SPIDR: variants seen among roughly 807,000 people sequenced by gnomAD.
The protein encoded by SPIDR is scaffold protein involved in DNA repair.
Under a neutral mutation model 104.6 loss-of-function variants are expected in SPIDR, and 93 were observed. That is an observed-to-expected ratio of 0.89 (90% CI 0.75 to 1.06). SPIDR has a LOEUF of 1.06. SPIDR is among the 50% of genes least tolerant of loss of function. SPIDR has a pLI of 0.00. For missense variants in SPIDR, 1,154 were observed against 1,111.2 expected, an observed-to-expected ratio of 1.04 and a Z score of -0.55; for synonymous variants, 431 against 416.9, an observed-to-expected ratio of 1.03 and a Z score of -0.41.
At chr8:47,528,838 T>G (rs954024859) in intron 8 of SPIDR, among the ~76,000 whole-genome samples, 5 of 151,606 alleles carry the variant, frequency 3.3e-5, no homozygotes, top group Admixed American at 3.3e-4. Flanking sequence ...GGCATATGTG[T>G]AATGGGAATA....
rs200671555 is a variant in SPIDR, at chr8:47,523,783, C to CTAA, written c.1098-72027_1098-72025dup. Among the ~76,000 whole-genome samples the CTAA allele has an allele frequency of 7.3e-3, 1,107 of 152,322 alleles. 8 individuals carry two copies. Among genetic ancestry groups the CTAA allele is most frequent in the Middle Eastern group, 0.031 (9 of 294 alleles). ...GCCGCAGCCTTCTCAATAAGAAGTG[C>CTAA]TAACTTCCTCAGGAAAACAGAAGTG... On this transcript the variant is annotated intron_variant, in intron 8 of 19. Transcript: ENST00000297423.
At chr8:47,328,907 AT>A (rs1192308410) in intron 5 of SPIDR, among the ~76,000 whole-genome samples, 5 of 148,106 alleles carry the variant, frequency 3.4e-5, no homozygotes, top group African/African-American at 5.0e-5. Flanking sequence ...CATTTTCACA[AT>A]TTTTTTTTTC....
intron 8 of SPIDR, among the ~76,000 whole-genome samples, chr8:47,471,342 A>C (rs80286492): frequency 3.5e-5 from 5 of 143,320 alleles, no homozygotes; most frequent in South Asian, 2.2e-4. Flanking sequence ...AAAAAAAAAA[A>C]CAGCCCAGTT....
At chr8:47,344,466 T>C (rs1382370136) in intron 5 of SPIDR, among the ~76,000 whole-genome samples, 1 of 152,228 alleles carries the variant, frequency 6.6e-6, no homozygotes, top group East Asian at 1.9e-4. Flanking sequence ...TGATTTATAA[T>C]CCTTTGGGTA....
chr8:47,367,204 A>C (rs1156325961), intron 5 of SPIDR, among the ~76,000 whole-genome samples: 3 of 152,132 alleles, frequency 2.0e-5, no homozygotes, highest in Non-Finnish European at 4.4e-5. Context: ...GATGGAGAGG[A>C]CTACCTGGCA....
At chr8:47,370,613 A>ATT (rs550002200) in intron 5 of SPIDR, among the ~76,000 whole-genome samples, 1 of 147,446 alleles carries the variant, frequency 6.8e-6, no homozygotes, top group Non-Finnish European at 1.5e-5. Flanking sequence ...TGTCTGGCTA[A>ATT]TTTTTTTTTT....
chr8:47,584,592 C>G (rs138483974), intron 8 of SPIDR, among the ~76,000 whole-genome samples: 25 of 152,292 alleles, frequency 1.6e-4, no homozygotes, highest in African/African-American at 5.8e-4. Context: ...TTGGACTGGG[C>G]AGAACATACA....
chr8:47,550,943 A>C (rs949149929), intron 8 of SPIDR, among the ~76,000 whole-genome samples: 10 of 152,220 alleles, frequency 6.6e-5, no homozygotes, highest in Non-Finnish European at 1.5e-4. Context: ...GATATGTTCC[A>C]TCAGTACCTA....
chr8:47,354,895 G>A (rs1312678804), intron 5 of SPIDR, among the ~76,000 whole-genome samples: 2 of 151,874 alleles, frequency 1.3e-5, no homozygotes, highest in South Asian at 2.1e-4. Flanking sequence ...CTCCTGCCTC[G>A]GCCTCCCAGA....
intron 5 of SPIDR, among the ~76,000 whole-genome samples, chr8:47,379,149 C>T (rs2154299244): frequency 6.6e-6 from 1 of 152,218 alleles, no homozygotes; most frequent in Non-Finnish European, 1.5e-5. Context: ...GAAGGAAGCC[C>T]AGCCGGGAAG....
intron 10 of SPIDR, chr8:47,673,453 G>A (rs1323730608): frequency 2.1e-6 from 1 of 465,788 alleles, no homozygotes; most frequent in Non-Finnish European, 4.3e-6. Context: ...TCTGTTTCTA[G>A]GTAATGTATT....
At chr8:47,510,950 G>A in intron 8 of SPIDR, 4 of 623,028 alleles carry the variant, frequency 6.4e-6, no homozygotes, top group Non-Finnish European at 1.2e-5. Flanking sequence ...TGTGTACAAG[G>A]GGGCAGGAGG....
At chr8:47,525,613 CAACATGGTGAAACCCCATCTCTACCA>C (rs1309842505) in intron 8 of SPIDR, among the ~76,000 whole-genome samples, 2 of 151,998 alleles carry the variant, frequency 1.3e-5, no homozygotes, top group African/African-American at 4.8e-5. Flanking sequence ...CCAGCCTGGC[CAACATGGTGAAACCCCATCTCTACCA>C]AAAATACAAA....
chr8:47,724,764 G>C (rs1189304088), intron 16 of SPIDR, among the ~76,000 whole-genome samples: 1 of 152,240 alleles, frequency 6.6e-6, no homozygotes, highest in East Asian at 1.9e-4. Flanking sequence ...CCAGGTCTCA[G>C]TGATGGGGTG....
chr8:47,682,270 AAAAAAC>A (rs1447147110), intron 11 of SPIDR, among the ~76,000 whole-genome samples: 1 of 150,914 alleles, frequency 6.6e-6, no homozygotes, highest in African/African-American at 2.4e-5. Context: ...AAAAAAAAAA[AAAAAAC>A]CCAGACACAA....
chr8:47,619,105 C>G (rs528983492), intron 10 of SPIDR, among the ~76,000 whole-genome samples: 1 of 152,100 alleles, frequency 6.6e-6, no homozygotes, highest in Non-Finnish European at 1.5e-5. Flanking sequence ...TAAAAATTAG[C>G]CTTTTGTAAT....
rs145707163 is a variant in SPIDR at position 47,635,051 on chromosome 8, G to A, written c.1544+35855G>A. On this transcript the variant is annotated intron_variant, in intron 10 of 19. Transcript: ENST00000297423. ...CAGTTAAAAGAACTGTGGGTTGGGG[G>A]AAAGGGAGATGGTTAATGGGTCCAA... Among the ~76,000 whole-genome samples, 44 of 152,270 alleles carry A rather than the reference G, an allele frequency of 2.9e-4. No homozygotes were observed. The East Asian group carries it at 8.3e-3, about 29-fold the overall frequency.
intron 1 of SPIDR, among the ~76,000 whole-genome samples, chr8:47,268,421 C>A (rs1464032957): frequency 6.6e-6 from 1 of 152,134 alleles, no homozygotes; most frequent in Non-Finnish European, 1.5e-5. Flanking sequence ...AGAGTATTAT[C>A]ATCTTAACAA....
intron 5 of SPIDR, among the ~76,000 whole-genome samples, chr8:47,354,310 C>G (rs1554624308): frequency 6.6e-6 from 1 of 150,402 alleles, no homozygotes; most frequent in African/African-American, 2.4e-5. Context: ...ACTCATAGTT[C>G]TTCCTCAGTT....
Sources: gnomAD v4.1 joint callset for allele counts (sites outside exome capture counted in the v4.1 genomes callset) on GRCh38, gnomAD v4.1.1 for gene constraint, MANE v1.5 for transcripts, NCBI Gene and HGNC (gene_info 2026-07-23, HGNC 2026-07-21) for gene names.